Variants in FAT3 observed in about 807,000 individuals in gnomAD.
FAT3 encodes the protein FAT atypical cadherin 3.
Under a neutral mutation model 310.2 loss-of-function variants are expected in FAT3, and 95 were observed. The ratio of observed to expected loss-of-function variants is 0.31; its 90% CI spans 0.26 to 0.36. FAT3 has a LOEUF of 0.36. FAT3 is among the 10% of genes least tolerant of loss of function. The pLI is 1.00. For synonymous variants in FAT3, 2,314 were observed against 2,192.9 expected (o/e 1.06, Z -1.54); for missense variants, 5,408 against 5,715.6 (o/e 0.95, Z 1.74).
At chr11:92,357,021 C>G (rs924611753) in intron 2 of FAT3, among the ~76,000 whole-genome samples, 1 of 151,966 alleles carries the variant, frequency 6.6e-6, no homozygotes, top group Admixed American at 6.6e-5. Context: ...GAAATTTCAC[C>G]CCTGACTTTG....
At chr11:92,623,375 A>G (rs1035482612) in intron 3 of FAT3, among the ~76,000 whole-genome samples, 1 of 152,192 alleles carries the variant, frequency 6.6e-6, no homozygotes, top group Non-Finnish European at 1.5e-5. Flanking sequence ...TGTTCAACAC[A>G]TAGCAGTACT....
chr11:92,267,919 G>A (rs1946013523), intron 1 of FAT3, among the ~76,000 whole-genome samples: 1 of 152,044 alleles, frequency 6.6e-6, no homozygotes. Context: ...TTTTCAGATT[G>A]AATGAAGTAG....
intron 3 of FAT3, among the ~76,000 whole-genome samples, chr11:92,553,680 CCTTCCTTCCT>C (rs1565406350): frequency 3.1e-5 from 1 of 32,436 alleles, no homozygotes. Context: ...TCCGTCCCTT[CCTTCCTTCCT>C]TCCTTCCTTC....
At chr11:92,832,474 A>G (rs1033742303) in intron 14 of FAT3, among the ~76,000 whole-genome samples, 4 of 151,984 alleles carry the variant, frequency 2.6e-5, no homozygotes, top group Admixed American at 1.3e-4. Flanking sequence ...AGCAGGGCCC[A>G]CATTCAGACC....
intron 9 of FAT3, 33 bp from the exon 10 acceptor site, chr11:92,797,803 T>C (rs755075823): frequency 1.3e-6 from 2 of 1,575,364 alleles, no homozygotes; most frequent in South Asian, 2.3e-5. Flanking sequence ...GACCCACATG[T>C]AACTCATTTC....
chr11:92,633,472 A>G lies in FAT3; in HGVS notation c.3608-63912A>G, dbSNP rs188058482. On this transcript the variant is annotated intron_variant, in intron 3 of 27. Coordinates refer to ENST00000525166, the MANE Select transcript of FAT3 (RefSeq NM_001367949.2). ...GATGATGTGAACTTTACAAATGTCA[A>G]TAAGTGGGGGTCAGCATAATCTAGT... is the stretch of plus-strand genomic sequence containing the variant. 5.9e-5 allele frequency among the ~76,000 whole-genome samples: 9 copies of G among 152,312 alleles called. No individual in the cohort carries two copies. In the East Asian group the frequency reaches 1.2e-3, roughly 20 times the overall value.
chr11:92,692,182 A>T (rs1223901689), intron 3 of FAT3, among the ~76,000 whole-genome samples: 1 of 152,176 alleles, frequency 6.6e-6, no homozygotes, highest in Non-Finnish European at 1.5e-5. Context: ...AAAACATTAA[A>T]GTTATTCAAA....
intron 1 of FAT3, among the ~76,000 whole-genome samples, chr11:92,233,644 C>A (rs1324152763): frequency 9.2e-5 from 14 of 152,170 alleles, no homozygotes; most frequent in Admixed American, 9.2e-4. Flanking sequence ...TTGGAAGTCC[C>A]TGGATTAACA....
intron 2 of FAT3, among the ~76,000 whole-genome samples, chr11:92,513,637 A>T (rs1953381240): frequency 6.6e-6 from 1 of 152,214 alleles, no homozygotes; most frequent in Non-Finnish European, 1.5e-5. Context: ...ATTTCAGAAT[A>T]AGAAGCTAAA....
At chr11:92,745,971 T>C in intron 4 of FAT3, among the ~76,000 whole-genome samples, 1 of 152,192 alleles carries the variant, frequency 6.6e-6, no homozygotes, top group Non-Finnish European at 1.5e-5. Context: ...TTCCCAATAA[T>C]GCAATGTCTT....
chr11:92,611,275 C>G (rs1165572901), intron 3 of FAT3, among the ~76,000 whole-genome samples: 1 of 152,058 alleles, frequency 6.6e-6, no homozygotes, highest in Non-Finnish European at 1.5e-5. Flanking sequence ...ACCATCTTGC[C>G]TGGCTAATTT....
chr11:92,726,976 A>C (rs1945021058), intron 4 of FAT3, among the ~76,000 whole-genome samples: 1 of 152,138 alleles, frequency 6.6e-6, no homozygotes, highest in South Asian at 2.1e-4. Flanking sequence ...ATCTCAATAA[A>C]ATGAACATTT....
At chr11:92,762,999 A>T (rs1178458583) in intron 5 of FAT3, among the ~76,000 whole-genome samples, 1 of 152,040 alleles carries the variant, frequency 6.6e-6, no homozygotes, top group East Asian at 1.9e-4. Flanking sequence ...CTCTACCAAA[A>T]ATATAAAAAA....
At chr11:92,818,961 A>G (rs909933366) in intron 13 of FAT3, among the ~76,000 whole-genome samples, 1 of 152,258 alleles carries the variant, frequency 6.6e-6, no homozygotes, top group African/African-American at 2.4e-5. Flanking sequence ...AATGATAATC[A>G]TAATATGGCT....
At chr11:92,640,564 A>T (rs1289296085) in intron 3 of FAT3, among the ~76,000 whole-genome samples, 2 of 152,200 alleles carry the variant, frequency 1.3e-5, no homozygotes, top group African/African-American at 4.8e-5. Flanking sequence ...ACATAAAAGT[A>T]AGGACACAGA....
At chr11:92,366,939 C>A (rs1374370463) in intron 2 of FAT3, 2 of 530,568 alleles carry the variant, frequency 3.8e-6, no homozygotes, top group Non-Finnish European at 7.5e-6. Flanking sequence ...CCATGCTTTG[C>A]AGCAGTTTCT....
intron 18 of FAT3, among the ~76,000 whole-genome samples, chr11:92,842,988 C>T (rs1948588710): frequency 6.6e-6 from 1 of 152,184 alleles, no homozygotes; most frequent in Non-Finnish European, 1.5e-5. Context: ...CACTGACTCT[C>T]TTTTAATCCC....
intron 3 of FAT3, among the ~76,000 whole-genome samples, chr11:92,660,099 T>A (rs190127642): frequency 1.3e-5 from 2 of 152,258 alleles, no homozygotes; most frequent in African/African-American, 4.8e-5. Flanking sequence ...GTATTCTTTT[T>A]TTTTTCTTAA....
chr11:92,618,685 A>G (rs1412283463), intron 3 of FAT3, among the ~76,000 whole-genome samples: 1 of 152,154 alleles, frequency 6.6e-6, no homozygotes, highest in African/African-American at 2.4e-5. Context: ...TATTTTTTAT[A>G]CTTTGAGCTC....
Sources: allele counts gnomAD v4.1 joint callset (sites outside exome capture counted in the v4.1 genomes callset), GRCh38; gene constraint gnomAD v4.1.1; transcripts MANE v1.5; gene names NCBI Gene and HGNC (gene_info 2026-07-23, HGNC 2026-07-21).